BSN: variants seen among roughly 807,000 people sequenced by gnomAD.
BSN encodes the protein bassoon presynaptic cytomatrix protein.
BSN carries 57 observed loss-of-function variants against 264.8 expected under a neutral mutation model. That is an observed-to-expected ratio of 0.22 (90% CI 0.17 to 0.27). The LOEUF (loss-of-function observed/expected upper bound fraction) is 0.27. BSN is among the 10% of genes least tolerant of loss of function. The pLI, the probability that BSN is intolerant of heterozygous loss-of-function variation, is 1.00. For missense variants in BSN, 4,615 were observed against 5,232.5 expected, an observed-to-expected ratio of 0.88 and a Z score of 3.64; for synonymous variants, 2,059 against 2,137.3, an observed-to-expected ratio of 0.96 and a Z score of 1.01.
chr3:49,649,250 C>T (rs777157017), intron 3 of BSN, among the ~76,000 whole-genome samples: 3 of 152,208 alleles, frequency 2.0e-5, no homozygotes, highest in Non-Finnish European at 4.4e-5. Context: ...GGCCAAAGGT[C>T]ACCTCCTTTT....
At chr3:49,568,335 C>T (rs975890588) in intron 1 of BSN, among the ~76,000 whole-genome samples, 4 of 152,142 alleles carry the variant, frequency 2.6e-5, no homozygotes, top group African/African-American at 7.2e-5. Context: ...ATATACCGTA[C>T]TTTTTTAAAA....
chr3:49,635,561 G>A (rs1297425523), intron 2 of BSN, among the ~76,000 whole-genome samples: 1 of 152,170 alleles, frequency 6.6e-6, no homozygotes, highest in Non-Finnish European at 1.5e-5. Context: ...CACCCACAAA[G>A]CCACTATCTG....
At chr3:49,565,302 A>C (rs1388343380) in intron 1 of BSN, among the ~76,000 whole-genome samples, 172 of 92,614 alleles carry the variant, frequency 1.9e-3, no homozygotes, top group Middle Eastern at 7.6e-3. Flanking sequence ...CCCACCCACC[A>C]CGCCCAGCTA....
At chr3:49,569,600 G>T (rs1227442097) in intron 1 of BSN, among the ~76,000 whole-genome samples, 2 of 152,184 alleles carry the variant, frequency 1.3e-5, no homozygotes, top group Non-Finnish European at 2.9e-5. Flanking sequence ...GGGACGCTTG[G>T]AGGGCTCAGG....
intron 1 of BSN, among the ~76,000 whole-genome samples, chr3:49,601,248 C>T (rs550265130): frequency 1.3e-5 from 2 of 152,272 alleles, no homozygotes; most frequent in South Asian, 4.1e-4. Flanking sequence ...GAAATATGGC[C>T]AGAAAAACTG....
chr3:49,583,636 A>C (rs1163811294), intron 1 of BSN, among the ~76,000 whole-genome samples: 1 of 152,136 alleles, frequency 6.6e-6, no homozygotes, highest in East Asian at 1.9e-4. Flanking sequence ...TTAAAAAATA[A>C]ATTCTTTTTC....
At chr3:49,662,589 C>T (rs368228900) in intron 6 of BSN, 27 bp downstream of exon 6, 83 of 1,556,846 alleles carry the variant, frequency 5.3e-5, no homozygotes, top group Non-Finnish European at 6.8e-5. Flanking sequence ...GTGATTTCTG[C>T]GGATACTCAG....
intron 1 of BSN, among the ~76,000 whole-genome samples, chr3:49,607,640 C>T (rs1386711869): frequency 6.6e-6 from 1 of 152,236 alleles, no homozygotes; most frequent in Non-Finnish European, 1.5e-5. Context: ...TTAATCACCA[C>T]TCTCAGGCAG....
chr3:49,594,628 C>CT, intron 1 of BSN, among the ~76,000 whole-genome samples: 1 of 152,012 alleles, frequency 6.6e-6, no homozygotes, highest in Non-Finnish European at 1.5e-5. Context: ...CCACTTTATT[C>CT]TTTTTTGAGA....
chr3:49,606,147 A>ACG (rs2052139356), intron 1 of BSN, among the ~76,000 whole-genome samples: 1 of 56,644 alleles, frequency 1.8e-5, no homozygotes, highest in African/African-American at 7.2e-5. Flanking sequence ...TATATTATAT[A>ACG]TGTATATATT....
chr3:49,584,631 A>G (rs1237451661), intron 1 of BSN, among the ~76,000 whole-genome samples: 1 of 152,020 alleles, frequency 6.6e-6, no homozygotes, highest in Non-Finnish European at 1.5e-5. Context: ...GTTACAAACA[A>G]TCCAATCACA....
chr3:49,610,584 C>CA (rs60726552), intron 1 of BSN, among the ~76,000 whole-genome samples: 18,683 of 71,134 alleles, frequency 0.26, 3,562 homozygotes, highest in Middle Eastern at 0.3. Context: ...AATTTCATCT[C>CA]AAAAAAAAAA....
chr3:49,630,299 T>C (rs542441138), intron 2 of BSN, among the ~76,000 whole-genome samples: 2 of 152,332 alleles, frequency 1.3e-5, no homozygotes, highest in African/African-American at 4.8e-5. Flanking sequence ...AGCCTTCCAA[T>C]GCTCACCTCC....
intron 1 of BSN, among the ~76,000 whole-genome samples, chr3:49,598,707 G>A (rs902724040): frequency 2.0e-5 from 3 of 152,078 alleles, no homozygotes; most frequent in East Asian, 3.8e-4. Context: ...GTGCCCGGCC[G>A]CCACCATTAC....
intron 8 of BSN, 83 bp downstream of exon 8, chr3:49,663,969 C>G: frequency 7.7e-7 from 1 of 1,292,380 alleles, no homozygotes; most frequent in East Asian, 2.4e-5. Flanking sequence ...CCCTGAGCTC[C>G]CCCACACTGC....
intron 1 of BSN, among the ~76,000 whole-genome samples, chr3:49,577,538 C>CT (rs34124561): frequency 2.1e-5 from 3 of 145,446 alleles, no homozygotes; most frequent in Admixed American, 7.0e-5. Flanking sequence ...CTTTTCTTTT[C>CT]TTTCTTTTTT....
chr3:49,612,567 G>A (rs1323849518), intron 1 of BSN, among the ~76,000 whole-genome samples: 3 of 152,166 alleles, frequency 2.0e-5, no homozygotes, highest in Admixed American at 6.5e-5. Flanking sequence ...CAACATATGC[G>A]GATAAGCTTA....
intron 8 of BSN, 118 bp from the exon 9 acceptor site, chr3:49,664,305 T>C (rs2052692232): frequency 5.9e-6 from 8 of 1,356,052 alleles, no homozygotes; most frequent in African/African-American, 1.5e-5. Context: ...CTAGCCTCCT[T>C]CTCACCTTCC....
In BSN at chr3:49,642,696, C is replaced by G; in HGVS notation, c.1062C>G (p.Gly354=). 6.2e-7 allele frequency: 1 copy of G among 1,613,052 alleles called. No homozygotes were observed. The highest frequency in any genetic ancestry group is 8.5e-7 in the Non-Finnish European group (1 of 1,179,694). Reference sequence around the variant, plus strand: ...TCACTGGTAAGCTCTTCGGCCTTGGCGCGTCACTGCTAACCCAGGCGAGCA... The same window carrying G: ...TCACTGGTAAGCTCTTCGGCCTTGGGGCGTCACTGCTAACCCAGGCGAGCA... The part of the protein sequence containing the change: ...EGLTGKLFGL[G]ASLLTQASTL... Residue 354 remains glycine, a synonymous_variant, in exon 3 of 12, where the codon GGC becomes GGG. Transcript: ENST00000296452. The surrounding 1 kb of genome is among the most constrained non-coding windows in gnomAD (Gnocchi z 7.0).
Sources: gnomAD v4.1 joint callset for allele counts (sites outside exome capture counted in the v4.1 genomes callset) on GRCh38, gnomAD v4.1.1 for gene constraint, Gnocchi (gnomAD v3.1) non-coding constraint, MANE v1.5 for transcripts, NCBI Gene and HGNC (gene_info 2026-07-23, HGNC 2026-07-21) for gene names.